Variants in ARSB observed in about 807,000 individuals in gnomAD.
The protein encoded by ARSB is arylsulfatase B.
A neutral mutation model predicts 50.9 loss-of-function variants in ARSB; 41 were observed. The observed-to-expected ratio is 0.81, with a 90% confidence interval of 0.63 to 1.04. The LOEUF (loss-of-function observed/expected upper bound fraction) is 1.04, where lower values mean the gene tolerates loss of function less well. Among genes scored for constraint, ARSB ranks in the 50% least tolerant of loss-of-function variants. ARSB has a pLI of 0.00. For synonymous variants in ARSB, 269 were observed against 284.8 expected, an observed-to-expected ratio of 0.94 and a Z score of 0.56; for missense variants, 672 against 693.3, an observed-to-expected ratio of 0.97 and a Z score of 0.35.
At chr5:78,944,694 G>C (rs182766266) in intron 4 of ARSB, among the ~76,000 whole-genome samples, 180 of 152,324 alleles carry the variant, frequency 1.2e-3, no homozygotes, top group African/African-American at 4.2e-3. Flanking sequence ...CCCTACAAGG[G>C]GGTGCCTCCC....
intron 6 of ARSB, among the ~76,000 whole-genome samples, chr5:78,822,017 TG>T (rs1744250494): frequency 6.6e-6 from 1 of 152,262 alleles, no homozygotes; most frequent in Non-Finnish European, 1.5e-5. Context: ...CCATGATCTA[TG>T]GAACATTTAT....
chr5:78,785,674 G>A (rs1392137120), intron 6 of ARSB, among the ~76,000 whole-genome samples: 2 of 152,084 alleles, frequency 1.3e-5, no homozygotes, highest in African/African-American at 4.8e-5. Flanking sequence ...TATAAAACAG[G>A]GTATGATAGG....
Position 78,885,786 on chromosome 5 carries a change from GGGGCCA to G in ARSB, c.934_939del (p.Trp312_Pro313del). 6.2e-7 allele frequency: 1 copy of G among 1,614,166 alleles called. No individual in the cohort carries two copies. Among genetic ancestry groups the G allele is most frequent in the African/African-American group, 1.3e-5 (1 of 75,044 alleles). On this transcript the variant is annotated inframe_deletion, in exon 5 of 8. Coordinates refer to ENST00000264914, the MANE Select transcript of ARSB (RefSeq NM_000046.5). Reference sequence around the variant, plus strand: ...CACAGGCTCCATTTTCTTCCTCGAAGGGGCCAGTTATTACCCCCTGCCAAAGTCTGC... The same window carrying G: ...CACAGGCTCCATTTTCTTCCTCGAAGGTTATTACCCCCTGCCAAAGTCTGC...
chr5:78,956,033 C>G (rs1751707873), intron 3 of ARSB, among the ~76,000 whole-genome samples: 1 of 152,128 alleles, frequency 6.6e-6, no homozygotes, highest in Non-Finnish European at 1.5e-5. Flanking sequence ...ATTTCCATTC[C>G]TAGAGAAATC....
chr5:78,976,390 C>T (rs1752669319), intron 1 of ARSB, among the ~76,000 whole-genome samples: 1 of 146,264 alleles, frequency 6.8e-6, no homozygotes, highest in Admixed American at 7.2e-5. Flanking sequence ...CAGGCTCAAG[C>T]GATTTCCCGC....
chr5:78,967,673 TA>T (rs35093883), intron 2 of ARSB, among the ~76,000 whole-genome samples: 52,357 of 120,006 alleles, frequency 0.44, 9,577 homozygotes, highest in Middle Eastern at 0.51. Flanking sequence ...ACTCCGTATA[TA>T]AAAAAAAAAA....
chr5:78,786,786 A>AT (rs1478874890), intron 6 of ARSB, among the ~76,000 whole-genome samples: 1 of 152,008 alleles, frequency 6.6e-6, no homozygotes, highest in African/African-American at 2.4e-5. Context: ...TGCCCAGCTG[A>AT]TTTTTTATAG....
At chr5:78,798,358 A>C (rs966596499) in intron 6 of ARSB, among the ~76,000 whole-genome samples, 1 of 151,946 alleles carries the variant, frequency 6.6e-6, no homozygotes. Flanking sequence ...GAGTCTGTCA[A>C]CAAATGGTTA....
Position 78,780,682 on chromosome 5 carries a change from A to G in ARSB, c.1337-20T>C, listed in dbSNP as rs757709235. 1 of 1,613,680 alleles carries G rather than the reference A, an allele frequency of 6.2e-7. No individual in the cohort carries two copies. Among genetic ancestry groups the G allele is most frequent in the Admixed American group, 1.7e-5 (1 of 59,920 alleles). On this transcript the variant is annotated intron_variant, in intron 7 of 7. Coordinates refer to ENST00000264914, the MANE Select transcript of ARSB (RefSeq NM_000046.5). ...CACAGCCTAGCAAAGAAAACAAAACAGTTTACTGAGGGAGAAGCACAGAGG... is the reference window on the plus strand; with the variant it reads ...CACAGCCTAGCAAAGAAAACAAAACGGTTTACTGAGGGAGAAGCACAGAGG...
chr5:78,851,891 T>A (rs1214971242), intron 5 of ARSB, among the ~76,000 whole-genome samples: 1 of 152,080 alleles, frequency 6.6e-6, no homozygotes, highest in Non-Finnish European at 1.5e-5. Context: ...ACCCCTGCCT[T>A]TTTTTGTTTT....
intron 3 of ARSB, among the ~76,000 whole-genome samples, chr5:78,959,025 AC>A (rs1159005781): frequency 6.6e-6 from 1 of 152,058 alleles, no homozygotes; most frequent in Non-Finnish European, 1.5e-5. Context: ...CTGTGTCCCC[AC>A]CCAAATTTCA....
chr5:78,904,940 T>C (rs1358297792), intron 4 of ARSB, among the ~76,000 whole-genome samples: 1 of 152,130 alleles, frequency 6.6e-6, no homozygotes, highest in Non-Finnish European at 1.5e-5. Flanking sequence ...TCTGCCCACC[T>C]CAGCCTCCCA....
At chr5:78,976,278 C>CTTTTT (rs541278624) in intron 1 of ARSB, among the ~76,000 whole-genome samples, 5 of 76,888 alleles carry the variant, frequency 6.5e-5, no homozygotes, top group Non-Finnish European at 9.9e-5. Context: ...AAACAGGCTA[C>CTTTTT]TTTTTTTTTT....
At chr5:78,908,535 T>A (rs1749165505) in intron 4 of ARSB, among the ~76,000 whole-genome samples, 1 of 152,054 alleles carries the variant, frequency 6.6e-6, no homozygotes, top group African/African-American at 2.4e-5. Context: ...CTGCAGCCAA[T>A]GAAAACGGGC....
intron 5 of ARSB, among the ~76,000 whole-genome samples, chr5:78,865,126 G>C (rs1746653902): frequency 6.6e-6 from 1 of 152,228 alleles, no homozygotes; most frequent in South Asian, 2.1e-4. Flanking sequence ...CCGTATAGGG[G>C]TTCTGGCCCC....
chr5:78,960,773 C>T (rs113749349), intron 3 of ARSB, among the ~76,000 whole-genome samples: 10,658 of 152,194 alleles, frequency 0.07, 499 homozygotes, highest in Middle Eastern at 0.11. Context: ...CTATGTTGGT[C>T]AGGGTGGTCT....
intron 3 of ARSB, 111 bp from the exon 4 acceptor site, chr5:78,955,613 C>T (rs903692651): frequency 1.1e-6 from 1 of 874,620 alleles, no homozygotes; most frequent in Non-Finnish European, 1.9e-6. Context: ...AGACAACCTA[C>T]AGAATGCATT....
At chr5:78,867,673 A>T (rs1746858811) in intron 5 of ARSB, among the ~76,000 whole-genome samples, 1 of 152,244 alleles carries the variant, frequency 6.6e-6, no homozygotes, top group African/African-American at 2.4e-5. Context: ...CATCACCATC[A>T]TCAAAGACCA....
intron 2 of ARSB, among the ~76,000 whole-genome samples, chr5:78,967,484 C>T (rs760500080): frequency 7.2e-5 from 11 of 151,990 alleles, no homozygotes; most frequent in Non-Finnish European, 1.2e-4. Flanking sequence ...ACCAGCCTGA[C>T]CAACATGGTG....
Sources: allele counts gnomAD v4.1 joint callset (sites outside exome capture counted in the v4.1 genomes callset), GRCh38; gene constraint gnomAD v4.1.1; transcripts MANE v1.5; gene names NCBI Gene and HGNC (gene_info 2026-07-23, HGNC 2026-07-21).